PROKR2: variants seen among roughly 807,000 people sequenced by gnomAD.
PROKR2 encodes the protein prokineticin receptor 2.
Under a neutral mutation model 23.4 loss-of-function variants are expected in PROKR2, and 26 were observed. The ratio of observed to expected loss-of-function variants is 1.11; its 90% CI spans 0.81 to 1.54. PROKR2 has a LOEUF of 1.54. PROKR2 is among the 40% of genes most tolerant of loss of function. The pLI is 0.00. For synonymous variants in PROKR2, 212 were observed against 201.2 expected (o/e 1.05, Z -0.45); for missense variants, 453 against 511.5 (o/e 0.89, Z 1.10).
At position 5,301,367 on chromosome 20, in the gene PROKR2, G is replaced by A. The variant is rs573286634; in HGVS notation, c.*673C>T. 9.9e-5 allele frequency among the ~76,000 whole-genome samples: 15 copies of A among 152,214 alleles called. No homozygotes were observed. The South Asian group carries it at 1.2e-3, about 13-fold the overall frequency. The stretch of plus-strand genomic sequence containing the variant: ...CCTGCTTCAGCCTCCTGAGTAACTG[G>A]GATTACAGGCGCCCGCCACCACGCC... On this transcript the variant is annotated 3_prime_UTR_variant, in exon 3 of 3. Coordinates refer to ENST00000678254, the MANE Select transcript of PROKR2 (RefSeq NM_144773.4).
rs746940128 is a variant in PROKR2 at position 5,302,329 on chromosome 20, G to A, written c.866C>T (p.Ala289Val). The A allele has an allele frequency of 1.9e-6, 3 of 1,614,148 alleles. No homozygotes were observed. Among genetic ancestry groups the A allele is most frequent in the African/African-American group, 1.3e-5 (1 of 74,940 alleles). ...AACGATGGTGAAACCGTAGAAGGGT[G>A]CCCAGCACAGCACATAGGCCGTGAG... ...CILTAYVLCWAPFYGFTIVRD... is the reference protein window; with the variant it reads ...CILTAYVLCWVPFYGFTIVRD... Residue 289 changes from alanine (A) to valine (V), a missense_variant, in exon 3 of 3, where the codon GCA (alanine) becomes GTA (valine). By Grantham distance (64) the Ala-to-Val change is moderately conservative (BLOSUM62 0). Coordinates refer to ENST00000678254, the MANE Select transcript of PROKR2 (RefSeq NM_144773.4).
Position 5,299,684 on chromosome 20 carries a change from G to A in PROKR2, c.*2356C>T, listed in dbSNP as rs1227078898. On this transcript the variant is annotated 3_prime_UTR_variant, in exon 3 of 3. Coordinates refer to ENST00000678254, the MANE Select transcript of PROKR2 (RefSeq NM_144773.4). ...CTATCACCCAGGCTGGAGTGCAGTG[G>A]TGTGATCTCAATTCACTGCAACCTC... Among the ~76,000 whole-genome samples, 1 of 152,124 alleles carries A rather than the reference G, an allele frequency of 6.6e-6. No homozygotes were observed. The highest frequency in any genetic ancestry group is 1.5e-5 in the Non-Finnish European group (1 of 68,024).
At chr20:5,304,735 T>G (rs1233848979) in intron 2 of PROKR2, among the ~76,000 whole-genome samples, 2 of 152,170 alleles carry the variant, frequency 1.3e-5, no homozygotes, top group Admixed American at 1.3e-4. Flanking sequence ...ATACGTGGAT[T>G]TTATAGCTCA....
chr20:5,315,942 A>C, intron 1 of PROKR2: 1 of 455,922 alleles, frequency 2.2e-6, no homozygotes, highest in Non-Finnish European at 4.4e-6. Flanking sequence ...CGTAGATTGC[A>C]CTCCCCGCCC....
chr20:5,310,253 T>C (rs528439522), intron 2 of PROKR2, among the ~76,000 whole-genome samples: 13 of 152,294 alleles, frequency 8.5e-5, no homozygotes, highest in African/African-American at 2.6e-4. Flanking sequence ...ATGTGTTTCT[T>C]TGGGCCAATC....
Position 5,305,251 on chromosome 20 carries a change from C to T in PROKR2, c.459-2515G>A, listed in dbSNP as rs190121648. Among the ~76,000 whole-genome samples, 349 of 152,308 alleles carry T rather than the reference C, an allele frequency of 2.3e-3. 1 individual carries two copies. The highest frequency in any genetic ancestry group is 8.1e-3 in the African/African-American group (335 of 41,578). ...TTTCCAGCTCAGGCCATTCCCTGACCCCTGTACAATGTCTGTCCCCTGACA... is the reference window on the plus strand; with the variant it reads ...TTTCCAGCTCAGGCCATTCCCTGACTCCTGTACAATGTCTGTCCCCTGACA... On this transcript the variant is annotated intron_variant, in intron 2 of 2. Transcript: ENST00000678254.
chr20:5,311,653 G>C (rs1979448147), intron 2 of PROKR2, among the ~76,000 whole-genome samples: 1 of 152,222 alleles, frequency 6.6e-6, no homozygotes, highest in Non-Finnish European at 1.5e-5. Flanking sequence ...ATTAACATTT[G>C]AGTCAGTGGG....
chr20:5,310,041 A>G (rs1226515954), intron 2 of PROKR2, among the ~76,000 whole-genome samples: 1 of 151,956 alleles, frequency 6.6e-6, no homozygotes, highest in Non-Finnish European at 1.5e-5. Context: ...TGGTTGGGGG[A>G]CTCAGTTTCT....
intron 2 of PROKR2, among the ~76,000 whole-genome samples, chr20:5,306,693 T>C (rs917716515): frequency 1.3e-5 from 2 of 152,238 alleles, no homozygotes; most frequent in African/African-American, 4.8e-5. Context: ...TCATACATGG[T>C]TCATTCCACA....
chr20:5,314,192 GTGCAA>G lies in PROKR2; in HGVS notation c.173_177del (p.Ile58ThrfsTer12). On this transcript the variant is annotated frameshift_variant, in exon 2 of 3. Transcript: ENST00000678254. LOFTEE classifies it high-confidence loss of function. ...CCGCAGACCAGCATGATGCCTGCCA[GTGCAA>G]TGCCAATGACGATCTTGGCTGCGAA... 6.2e-7 allele frequency: 1 copy of G among 1,614,224 alleles called. No individual in the cohort carries two copies. Among genetic ancestry groups the G allele is most frequent in the Non-Finnish European group, 8.5e-7 (1 of 1,180,026 alleles).
At chr20:5,303,917 G>A (rs757893943) in intron 2 of PROKR2, among the ~76,000 whole-genome samples, 1 of 152,142 alleles carries the variant, frequency 6.6e-6, no homozygotes, top group African/African-American at 2.4e-5. Context: ...GTGGGCTCTG[G>A]TTCGTTCCAC....
chr20:5,302,015 T>C lies in PROKR2; in HGVS notation c.*25A>G. The C allele has an allele frequency of 6.2e-7, 1 of 1,602,382 alleles. No individual in the cohort carries two copies. On this transcript the variant is annotated 3_prime_UTR_variant, in exon 3 of 3. Coordinates refer to ENST00000678254, the MANE Select transcript of PROKR2 (RefSeq NM_144773.4). ...TGATGCTCTGAGTACTGGACTGGGG[T>C]TTTCAATTGTGTGACACCAGTGGGT... is the stretch of plus-strand genomic sequence containing the variant.
intron 2 of PROKR2, among the ~76,000 whole-genome samples, chr20:5,310,129 A>C (rs1205774799): frequency 1.3e-5 from 2 of 152,252 alleles, no homozygotes; most frequent in African/African-American, 2.4e-5. Context: ...GAAGGTAAAC[A>C]TACATAAGGG....
In PROKR2 at chr20:5,299,430, G is replaced by T. The variant is rs1029456110; in HGVS notation, c.*2610C>A. ...CCATTCCTAAAGAATCTCCTGATTC[G>T]GCTAAGAGCCAGGATAGAATAATAA... On this transcript the variant is annotated 3_prime_UTR_variant, in exon 3 of 3. Coordinates refer to ENST00000678254, the MANE Select transcript of PROKR2 (RefSeq NM_144773.4). Among the ~76,000 whole-genome samples, 2 of 151,752 alleles carry T rather than the reference G, an allele frequency of 1.3e-5. No individual in the cohort carries two copies. Among genetic ancestry groups the T allele is most frequent in the Non-Finnish European group, 2.9e-5 (2 of 67,954 alleles).
chr20:5,302,279 C>A lies in PROKR2; in HGVS notation c.916G>T (p.Val306Leu). Residue 306 changes from valine (V) to leucine (L), a missense_variant, in exon 3 of 3, where the codon GTG becomes TTG. By Grantham distance (32) the Val-to-Leu change is conservative. Coordinates refer to ENST00000678254, the MANE Select transcript of PROKR2 (RefSeq NM_144773.4). ...IVRDFFPTVF[V>L]KEKHYLTAFY... ...GCAGTGAGGTAGTGCTTTTCCTTCA[C>A]GAACACAGTGGGGAAGAAGTCACGA... 6.2e-7 allele frequency: 1 copy of A among 1,614,196 alleles called. No homozygotes were observed. The highest frequency in any genetic ancestry group is 1.3e-5 in the African/African-American group (1 of 75,046).
In PROKR2 at chr20:5,300,988, C is replaced by A. The variant is rs1164302902; in HGVS notation, c.*1052G>T. On this transcript the variant is annotated 3_prime_UTR_variant, in exon 3 of 3. Coordinates refer to ENST00000678254, the MANE Select transcript of PROKR2 (RefSeq NM_144773.4). ...TTTTAGGTTCTTTCCTTTGAAATTA[C>A]ACCATTGTGGATAACCACATAAGGC... Among the ~76,000 whole-genome samples, 1 of 152,174 alleles carries A rather than the reference C, an allele frequency of 6.6e-6. No individual in the cohort carries two copies. The highest frequency in any genetic ancestry group is 6.5e-5 in the Admixed American group (1 of 15,286).
chr20:5,313,019 C>T (rs551629201), intron 2 of PROKR2, among the ~76,000 whole-genome samples: 159 of 152,082 alleles, frequency 1.0e-3, no homozygotes, highest in Non-Finnish European at 2.0e-3. Flanking sequence ...TTGAATGTTT[C>T]CAACACAAAG....
chr20:5,299,696 T>G lies in PROKR2; in HGVS notation c.*2344A>C, dbSNP rs1452828445. On this transcript the variant is annotated 3_prime_UTR_variant, in exon 3 of 3. Transcript: ENST00000678254. ...CTGGAGTGCAGTGGTGTGATCTCAA[T>G]TCACTGCAACCTCTGCCTCTGGGGT... Among the ~76,000 whole-genome samples the G allele has an allele frequency of 6.6e-6, 1 of 152,178 alleles. No homozygotes were observed. Among genetic ancestry groups the G allele is most frequent in the East Asian group, 1.9e-4 (1 of 5,178 alleles).
At chr20:5,314,477 G>T (rs1979581163) in intron 1 of PROKR2, 100 bp from the exon 2 acceptor site, 2 of 961,646 alleles carry the variant, frequency 2.1e-6, no homozygotes, top group Non-Finnish European at 3.3e-6. Context: ...CATCCTTGGG[G>T]AGAGTTGACT....
Sources: gnomAD v4.1 joint callset for allele counts (sites outside exome capture counted in the v4.1 genomes callset) on GRCh38, gnomAD v4.1.1 for gene constraint, MANE v1.5 for transcripts, NCBI Gene and HGNC (gene_info 2026-07-23, HGNC 2026-07-21) for gene names.